The following MORC2 variants were observed in gnomAD, a reference collection of about 807,000 sequenced individuals.
MORC2 encodes the protein MORC family CW-type zinc finger 2, also known as ATPase MORC2.
In MORC2, 30 loss-of-function variants were observed where a neutral mutation model predicts 136.0. The ratio of observed to expected loss-of-function variants is 0.22; its 90% CI spans 0.17 to 0.30. The LOEUF (loss-of-function observed/expected upper bound fraction) is 0.30, where lower values mean the gene tolerates loss of function less well. MORC2 is among the 10% of genes least tolerant of loss of function. The pLI is 1.00. For missense variants in MORC2, 922 were observed against 1,333.1 expected (o/e 0.69, Z 4.80); for synonymous variants, 439 against 487.0 (o/e 0.90, Z 1.30).
rs1372188658 is a variant in MORC2, at chr22:30,968,761, C to G, written c.-872G>C. On this transcript the variant is annotated 5_prime_UTR_variant, in exon 1 of 26. Transcript: ENST00000397641. The stretch of plus-strand genomic sequence containing the variant: ...GCGCACCACCTGACCGGGCACTACC[C>G]GGATCTCACAACTGCCTTTGTCCCT... 6.6e-6 allele frequency among the ~76,000 whole-genome samples: 1 copy of G among 152,084 alleles called. No homozygotes were observed. The highest frequency in any genetic ancestry group is 1.5e-5 in the Non-Finnish European group (1 of 67,998).
At chr22:30,933,738 G>A (rs545528392) in intron 20 of MORC2, among the ~76,000 whole-genome samples, 1 of 152,290 alleles carries the variant, frequency 6.6e-6, no homozygotes, top group South Asian at 2.1e-4. Flanking sequence ...AGGGACATGT[G>A]TTTCAAGCCT....
At chr22:30,958,582 C>G (rs528695593) in intron 2 of MORC2, 59 bp downstream of exon 2, 631 of 1,391,414 alleles carry the variant, frequency 4.5e-4, no homozygotes, top group Non-Finnish European at 5.6e-4. Flanking sequence ...GAGCAAAGGT[C>G]ACAGCTACCT....
intron 1 of MORC2, among the ~76,000 whole-genome samples, chr22:30,960,935 G>GGCTCACTGCAACCTCT (rs1367828797): frequency 1.5e-5 from 2 of 137,270 alleles, no homozygotes; most frequent in Non-Finnish European, 3.2e-5. Flanking sequence ...GCGCAATCTC[G>GGCTCACTGCAACCTCT]GCTCACTGCA....
In MORC2 at chr22:30,932,654, C is replaced by T; in HGVS notation, c.2638G>A (p.Ala880Thr). Residue 880 changes from alanine (A) to threonine (T), a missense_variant, in exon 23 of 26, where the codon GCC (alanine) becomes ACC (threonine). Coordinates refer to ENST00000397641, the MANE Select transcript of MORC2 (RefSeq NM_001303256.3). This position sits in a 1 kb window ranked among gnomAD's most constrained non-coding sequence, Gnocchi z 4.4. ...GTGGAGGGCTCTGCGACAGCTATGG[C>T]CTGCTGGGCCACAGGGCCCACCTCC... The part of the protein sequence containing the change: ...EEEVGPVAQQ[A>T]IAVAEPSTSE... 1.2e-6 allele frequency: 2 copies of T among 1,614,168 alleles called. No homozygotes were observed. Among genetic ancestry groups the T allele is most frequent in the South Asian group, 1.1e-5 (1 of 91,090 alleles).
chr22:30,929,488 C>G (rs149352690), intron 24 of MORC2, among the ~76,000 whole-genome samples: 1 of 152,172 alleles, frequency 6.6e-6, no homozygotes, highest in Non-Finnish European at 1.5e-5. Context: ...GTGCCTCACA[C>G]CTGTAATCCC....
chr22:30,953,562 A>G (rs2040923249), intron 3 of MORC2, among the ~76,000 whole-genome samples: 1 of 152,234 alleles, frequency 6.6e-6, no homozygotes, highest in South Asian at 2.1e-4. Context: ...AGAGGCTGCA[A>G]TAAAATGACA....
At chr22:30,967,041 G>A in intron 1 of MORC2, 1 of 949,224 alleles carries the variant, frequency 1.1e-6, no homozygotes, top group Non-Finnish European at 1.3e-6. Flanking sequence ...CTCCTCTCCA[G>A]GTACTAGAAT....
In MORC2 at chr22:30,932,914, T is replaced by C. The variant is rs1486061047; in HGVS notation, c.2497A>G (p.Thr833Ala). 1 of 1,614,154 alleles carries C rather than the reference T, an allele frequency of 6.2e-7. No homozygotes were observed. The highest frequency in any genetic ancestry group is 8.5e-7 in the Non-Finnish European group (1 of 1,179,998). Residue 833 changes from threonine to alanine, a missense_variant, in exon 22 of 26, where the codon ACA (threonine) becomes GCA (alanine). Coordinates refer to ENST00000397641, the MANE Select transcript of MORC2 (RefSeq NM_001303256.3). The surrounding 1 kb of genome is among the most constrained non-coding windows in gnomAD (Gnocchi z 4.4). ...RWKVKFDYVP[T>A]DTTPRDRWVE... ...CAGCGGTCTCTTGGTGTCGTGTCTG[T>C]GGGCACGTAGTCAAACTTCACCTTC...
Position 30,933,451 on chromosome 22 carries a change from A to C in MORC2, c.2380+15T>G. 2 of 1,611,356 alleles carry C rather than the reference A, an allele frequency of 1.2e-6. No homozygotes were observed. The highest frequency in any genetic ancestry group is 1.7e-6 in the Non-Finnish European group (2 of 1,178,920). On this transcript the variant is annotated intron_variant, in intron 21 of 25. Transcript: ENST00000397641. Reference sequence around the variant, plus strand: ...CACCCCCGCCACAGGCTGCCAAGTCACTCCCCCAGCTCACCTTTCTGAGCT... The same window carrying C: ...CACCCCCGCCACAGGCTGCCAAGTCCCTCCCCCAGCTCACCTTTCTGAGCT...
At chr22:30,958,892 A>G (rs180944225) in intron 1 of MORC2, 198 bp from the exon 2 acceptor site, 3 of 505,136 alleles carry the variant, frequency 5.9e-6, no homozygotes, top group Admixed American at 6.8e-5. Context: ...CCTGCCATCT[A>G]TTCAGAAATG....
chr22:30,954,773 C>G (rs1321755698), intron 3 of MORC2, among the ~76,000 whole-genome samples: 6 of 152,146 alleles, frequency 3.9e-5, no homozygotes, highest in African/African-American at 1.4e-4. Flanking sequence ...TAGACTTGAC[C>G]ATTACGATTT....
In MORC2 at chr22:30,937,131, G is replaced by T; in HGVS notation, c.1499-94C>A. The T allele has an allele frequency of 4.8e-6, 4 of 837,716 alleles. No individual in the cohort carries two copies. Among genetic ancestry groups the T allele is most frequent in the Admixed American group, 2.0e-5 (1 of 49,440 alleles). The allele number at this position is 837,716 out of a possible 1,614,324, so 51.9% of individuals were successfully genotyped here. A position where few individuals can be genotyped will look rare whatever the true frequency, so the allele number is the denominator to read the frequency against. On this transcript the variant is annotated intron_variant, in intron 15 of 25. Coordinates refer to ENST00000397641, the MANE Select transcript of MORC2 (RefSeq NM_001303256.3). The surrounding 1 kb of genome is among the most constrained non-coding windows in gnomAD (Gnocchi z 4.7). ...ACAGGCCCACCACAATGATGCCCCA[G>T]ACTTTGTAGGCAAAGATCTTCACTC...
At chr22:30,965,817 T>C (rs2041119440) in intron 1 of MORC2, among the ~76,000 whole-genome samples, 1 of 152,350 alleles carries the variant, frequency 6.6e-6, no homozygotes. Flanking sequence ...AAACTAAAAT[T>C]GAAGACTTTT....
rs201946835 is a variant in MORC2 at position 30,941,391 on chromosome 22, C to T, written c.824+42G>A. The T allele has an allele frequency of 1.2e-4, 190 of 1,605,650 alleles. No homozygotes were observed. Among genetic ancestry groups the T allele is most frequent in the Non-Finnish European group, 1.2e-4 (145 of 1,174,912 alleles). The stretch of plus-strand genomic sequence containing the variant: ...CCCCAGAGAAACGCGGCCACATCCT[C>T]GACCCATGGGAGACAGCAGGCCAAG... On this transcript the variant is annotated intron_variant, in intron 9 of 25. Transcript: ENST00000397641. This position sits in a 1 kb window ranked among gnomAD's most constrained non-coding sequence, Gnocchi z 4.6.
In MORC2 at chr22:30,950,400, T is replaced by C; in HGVS notation, c.203A>G (p.Asp68Gly). 1 of 1,376,990 alleles carries C rather than the reference T, an allele frequency of 7.3e-7. No homozygotes were observed. Among genetic ancestry groups the C allele is most frequent in the Non-Finnish European group, 9.6e-7 (1 of 1,040,086 alleles). The allele number at this position is 1,376,990 out of a possible 1,614,324, so 85.3% of individuals were successfully genotyped here. Residue 68 changes from aspartate (D) to glycine (G), a missense_variant, in exon 4 of 26, where the codon GAT becomes GGT. Physicochemically the swap from Asp to Gly is moderately conservative, Grantham distance 94. Coordinates refer to ENST00000397641, the MANE Select transcript of MORC2 (RefSeq NM_001303256.3). Reference protein sequence around the residue: ...LRGGFMLCFLDDGAGMDPSDA... With the variant: ...LRGGFMLCFLGDGAGMDPSDA... The stretch of plus-strand genomic sequence containing the variant: ...ACTTGGATCCATTCCTGCTCCATCA[T>C]CCAAAAAGCAAAGCATAAATCCTCC...
chr22:30,932,915 G>A lies in MORC2; in HGVS notation c.2496C>T (p.Pro832=). ...AGCGGTCTCTTGGTGTCGTGTCTGT[G>A]GGCACGTAGTCAAACTTCACCTTCC... ...VRWKVKFDYV[P]TDTTPRDRWV... Residue 832 remains proline, a synonymous_variant, in exon 22 of 26, where the codon CCC becomes CCT. Transcript: ENST00000397641. The surrounding 1 kb of genome is among the most constrained non-coding windows in gnomAD (Gnocchi z 4.4). 2.5e-6 allele frequency: 4 copies of A among 1,614,124 alleles called. No homozygotes were observed. The highest frequency in any genetic ancestry group is 1.1e-5 in the South Asian group (1 of 91,080).
chr22:30,933,606 C>T (rs1226194534), intron 20 of MORC2, 86 bp from the exon 21 acceptor site: 2 of 1,334,068 alleles, frequency 1.5e-6, no homozygotes, highest in African/African-American at 2.9e-5. Context: ...GGTCATCAGC[C>T]ATCATCTTCA....
Position 30,942,191 on chromosome 22 carries a change from T to C in MORC2, c.507A>G (p.Thr169=). ...ATGGAGAGTACTTATAGATGAGTTC[T>C]GTCTCAATGGCAAATTTCTCTACAT... ...TDNVEKFAIE[T]ELIYKYSPFR... is the part of the protein sequence containing the mutation. Residue 169 remains threonine, a synonymous_variant, in exon 7 of 26, where the codon ACA becomes ACG. Transcript: ENST00000397641. The C allele has an allele frequency of 1.2e-6, 2 of 1,614,218 alleles. No homozygotes were observed. The highest frequency in any genetic ancestry group is 1.7e-4 in the Middle Eastern group (1 of 6,052).
chr22:30,949,992 G>A (rs2040865391), intron 4 of MORC2, 150 bp from the exon 5 acceptor site: 2 of 690,514 alleles, frequency 2.9e-6, no homozygotes, highest in Admixed American at 2.5e-5. Context: ...TGAAGCACAT[G>A]GAGGCACAGC....
Sources: allele counts gnomAD v4.1 joint callset (sites outside exome capture counted in the v4.1 genomes callset), GRCh38; gene constraint gnomAD v4.1.1; non-coding constraint Gnocchi (gnomAD v3.1); transcripts MANE v1.5; gene names NCBI Gene and HGNC (gene_info 2026-07-23, HGNC 2026-07-21).